Variants in ACSS3 observed in about 807,000 individuals in gnomAD.
ACSS3 encodes acyl-CoA synthetase short-chain family member 3, mitochondrial.
Under a neutral mutation model 84.2 loss-of-function variants are expected in ACSS3, and 64 were observed. The observed-to-expected ratio is 0.76, with a 90% CI of 0.62 to 0.94. The LOEUF (loss-of-function observed/expected upper bound fraction) is 0.94, where lower values mean the gene tolerates loss of function less well. Ranked by LOEUF, ACSS3 falls within the 40% of genes least tolerant of loss-of-function variation. The pLI is 0.00. For synonymous variants in ACSS3, 317 were observed against 310.1 expected, an observed-to-expected ratio of 1.02 and a Z score of -0.23; for missense variants, 815 against 867.6, an observed-to-expected ratio of 0.94 and a Z score of 0.76.
In ACSS3 at chr12:81,148,661, G is replaced by T. The variant is rs550557820; in HGVS notation, c.922-3183G>T. ...TTCCGCAGACATCTTTAAGAATTAT[G>T]ACTGATCCTACCAAAAGATCGGAAC... On this transcript the variant is annotated intron_variant, in intron 5 of 15. Transcript: ENST00000548058. Among the ~76,000 whole-genome samples the T allele has an allele frequency of 2.6e-5, 4 of 152,178 alleles. No homozygotes were observed. The East Asian group carries it at 7.7e-4, about 29-fold the overall frequency.
rs562845905 is a variant in ACSS3, at chr12:81,247,545, C to T, written c.1720-5762C>T. Among the ~76,000 whole-genome samples the T allele has an allele frequency of 2.7e-4, 41 of 152,102 alleles. 1 individual carries two copies. In the South Asian group the frequency reaches 3.1e-3, roughly 12 times the overall value. ...GTCTTGGAGTATTTAGGGTGCATAA[C>T]AGGAAACCATTCAGACCTTAAATCT... On this transcript the variant is annotated intron_variant, in intron 13 of 15. Coordinates refer to ENST00000548058, the MANE Select transcript of ACSS3 (RefSeq NM_024560.4).
intron 1 of ACSS3, among the ~76,000 whole-genome samples, chr12:81,085,695 T>G (rs1881265278): frequency 6.6e-6 from 1 of 152,204 alleles, no homozygotes; most frequent in Non-Finnish European, 1.5e-5. Context: ...ACCAAAGAGA[T>G]ATGAATTAAA....
rs548186922 is a variant in ACSS3, at chr12:81,083,611, C to T, written c.311+5180C>T. ...TCCTGACCTCGTGATCCGCTCACCT[C>T]GGCCTCCCAAAGTGCTGGGATTACA... On this transcript the variant is annotated intron_variant, in intron 1 of 15. Coordinates refer to ENST00000548058, the MANE Select transcript of ACSS3 (RefSeq NM_024560.4). Among the ~76,000 whole-genome samples, 6 of 152,014 alleles carry T rather than the reference C, an allele frequency of 3.9e-5. No individual in the cohort carries two copies. The East Asian group carries it at 5.9e-4, about 15-fold the overall frequency.
intron 8 of ACSS3, among the ~76,000 whole-genome samples, chr12:81,181,967 A>G (rs1373352484): frequency 1.3e-5 from 2 of 152,156 alleles, no homozygotes; most frequent in East Asian, 1.9e-4. Context: ...GGGAAGAGAC[A>G]GAGAAAGGGA....
intron 13 of ACSS3, among the ~76,000 whole-genome samples, chr12:81,240,059 G>A (rs1437209075): frequency 6.6e-6 from 1 of 151,922 alleles, no homozygotes; most frequent in Non-Finnish European, 1.5e-5. Context: ...GTTGAATGAA[G>A]TGGCCTATTG....
intron 9 of ACSS3, among the ~76,000 whole-genome samples, chr12:81,213,285 C>T (rs1014819231): frequency 1.2e-4 from 19 of 152,004 alleles, no homozygotes; most frequent in Non-Finnish European, 5.9e-5. Flanking sequence ...CTATTCTGCA[C>T]GTGGACCAGT....
At chr12:81,246,322 T>C (rs185330194) in intron 13 of ACSS3, among the ~76,000 whole-genome samples, 1 of 152,164 alleles carries the variant, frequency 6.6e-6, no homozygotes, top group Non-Finnish European at 1.5e-5. Flanking sequence ...TCGTTGTCAC[T>C]TATCTGAAGT....
intron 1 of ACSS3, among the ~76,000 whole-genome samples, chr12:81,081,129 C>T (rs1378822024): frequency 6.6e-6 from 1 of 152,152 alleles, no homozygotes; most frequent in African/African-American, 2.4e-5. Flanking sequence ...GTAAACTCCC[C>T]TCAGAACCCA....
At chr12:81,095,730 G>A (rs894539943) in intron 1 of ACSS3, among the ~76,000 whole-genome samples, 2 of 152,080 alleles carry the variant, frequency 1.3e-5, no homozygotes, top group Admixed American at 6.5e-5. Flanking sequence ...GCTTTAATCC[G>A]AGATGATCTG....
intron 7 of ACSS3, among the ~76,000 whole-genome samples, chr12:81,169,449 AT>A (rs549540515): frequency 3.1e-4 from 47 of 152,294 alleles, no homozygotes; most frequent in African/African-American, 1.0e-3. Context: ...GAAAAGGCCC[AT>A]TTTTGAAGAG....
intron 2 of ACSS3, among the ~76,000 whole-genome samples, chr12:81,132,372 C>G (rs1291264681): frequency 4.6e-5 from 7 of 152,034 alleles, no homozygotes; most frequent in Admixed American, 2.0e-4. Context: ...TGTATGTGTA[C>G]AGGAATTTAT....
intron 8 of ACSS3, among the ~76,000 whole-genome samples, chr12:81,190,511 G>A (rs1313821985): frequency 3.3e-5 from 5 of 151,980 alleles, no homozygotes; most frequent in African/African-American, 4.8e-5. Context: ...TAGTTTTAAT[G>A]TATATATGTA....
chr12:81,090,689 G>T (rs1246484343), intron 1 of ACSS3, among the ~76,000 whole-genome samples: 1 of 152,056 alleles, frequency 6.6e-6, no homozygotes, highest in Non-Finnish European at 1.5e-5. Flanking sequence ...TTTTGAGGCA[G>T]TTGGCTTCCT....
At chr12:81,194,093 C>T (rs2031708871) in intron 8 of ACSS3, among the ~76,000 whole-genome samples, 1 of 151,296 alleles carries the variant, frequency 6.6e-6, no homozygotes, top group Admixed American at 6.6e-5. Context: ...TTATAAACCA[C>T]TGTACTTCTT....
chr12:81,180,148 A>G (rs1248439169), intron 8 of ACSS3, among the ~76,000 whole-genome samples: 2 of 152,242 alleles, frequency 1.3e-5, no homozygotes, highest in South Asian at 2.1e-4. Context: ...CAAATACTGC[A>G]TGTTTACTCT....
chr12:81,140,476 T>C (rs544393796), intron 4 of ACSS3, among the ~76,000 whole-genome samples: 20 of 152,322 alleles, frequency 1.3e-4, no homozygotes, highest in African/African-American at 4.8e-4. Flanking sequence ...AAGTTTTCTT[T>C]GAAAATACTT....
At chr12:81,093,692 C>A (rs1881825587) in intron 1 of ACSS3, among the ~76,000 whole-genome samples, 1 of 151,968 alleles carries the variant, frequency 6.6e-6, no homozygotes. Flanking sequence ...CAGCTTCCCC[C>A]AGTAATAACA....
chr12:81,241,405 T>C (rs973687096), intron 13 of ACSS3, among the ~76,000 whole-genome samples: 66 of 152,122 alleles, frequency 4.3e-4, no homozygotes, highest in African/African-American at 1.2e-3. Flanking sequence ...CCTGAGGAAT[T>C]GCCACACTGA....
chr12:81,232,512 T>G (rs2033499617), intron 12 of ACSS3, among the ~76,000 whole-genome samples: 1 of 151,748 alleles, frequency 6.6e-6, no homozygotes, highest in African/African-American at 2.4e-5. Flanking sequence ...AGATTGCCTC[T>G]CTAATATTAA....
Sources: gnomAD v4.1 joint callset for allele counts (sites outside exome capture counted in the v4.1 genomes callset) on GRCh38, gnomAD v4.1.1 for gene constraint, MANE v1.5 for transcripts, NCBI Gene and HGNC (gene_info 2026-07-23, HGNC 2026-07-21) for gene names.